Variants in EGF observed in about 807,000 individuals in gnomAD.
EGF encodes epidermal growth factor.
In EGF, 95 loss-of-function variants were observed where a neutral mutation model predicts 143.8. The ratio of observed to expected loss-of-function variants is 0.66; its 90% CI spans 0.56 to 0.78. The LOEUF (loss-of-function observed/expected upper bound fraction) is 0.78. Ranked by LOEUF, EGF falls within the 30% of genes least tolerant of loss-of-function variation. The pLI is 0.00. For synonymous variants in EGF, 510 were observed against 510.5 expected (o/e 1.00, Z 0.01); for missense variants, 1,320 against 1,470.9 (o/e 0.90, Z 1.68).
chr4:109,940,296 G>A lies in EGF; in HGVS notation c.128-650G>A, dbSNP rs11568881. 5.1e-3 allele frequency among the ~76,000 whole-genome samples: 774 copies of A among 152,240 alleles called. 3 individuals are homozygous for A. Among genetic ancestry groups the A allele is most frequent in the Non-Finnish European group, 7.2e-3 (488 of 68,010 alleles). On this transcript the variant is annotated intron_variant, in intron 1 of 23. Coordinates refer to ENST00000265171, the MANE Select transcript of EGF (RefSeq NM_001963.6). The stretch of plus-strand genomic sequence containing the variant: ...GTGCCCAGTCAAATTTGAATTTCAG[G>A]TAAATAGAGAACAAATTTTTAGTGT...
Position 109,927,846 on chromosome 4 carries a change from T to A in EGF, c.128-13100T>A, listed in dbSNP as rs879535582. Among the ~76,000 whole-genome samples, 583 of 128,788 alleles carry A rather than the reference T, an allele frequency of 4.5e-3. 9 individuals are homozygous for A. The highest frequency in any genetic ancestry group is 4.4e-3 in the Non-Finnish European group (254 of 58,294). The allele number at this position is 128,788 out of a possible 152,430, so 84.5% of individuals were successfully genotyped here. On this transcript the variant is annotated intron_variant, in intron 1 of 23. Coordinates refer to ENST00000265171, the MANE Select transcript of EGF (RefSeq NM_001963.6). ...GTGTGTGTGTGTGTGTGTGTGTGTG[T>A]GTGAAACATTTGGAAAAACTTTTCT...
In EGF at chr4:109,912,889, G is replaced by A. The variant is rs56399752; in HGVS notation, c.-447G>A. ...GCTGAGTCATTCCACTTTTCAAAAA[G>A]AGAAACTGTTGGGAGAGGAATCGTA... On this transcript the variant is annotated 5_prime_UTR_variant, in exon 1 of 24. Coordinates refer to ENST00000265171, the MANE Select transcript of EGF (RefSeq NM_001963.6). 7.8e-4 allele frequency: 139 copies of A among 179,086 alleles called. No homozygotes were observed. Among genetic ancestry groups the A allele is most frequent in the Middle Eastern group, 5.6e-3 (2 of 356 alleles). 11.1% of individuals were successfully genotyped at this position (179,086 alleles called of 1,614,324 possible).
intron 8 of EGF, 133 bp downstream of exon 8, chr4:109,962,118 C>T: frequency 6.9e-7 from 1 of 1,443,944 alleles, no homozygotes; most frequent in Non-Finnish European, 9.5e-7. Context: ...ATTGTTACAA[C>T]AGATTAACAT....
chr4:109,999,745 C>T lies in EGF; in HGVS notation c.3072C>T (p.His1024=), dbSNP rs747903798. The T allele has an allele frequency of 7.4e-6, 12 of 1,613,904 alleles. No individual in the cohort carries two copies. The highest frequency in any genetic ancestry group is 1.7e-5 in the Admixed American group (1 of 59,988). Residue 1024 remains histidine (H), a synonymous_variant, in exon 21 of 24, where the codon CAC becomes CAT. Coordinates refer to ENST00000265171, the MANE Select transcript of EGF (RefSeq NM_001963.6). The part of the protein sequence containing the change: ...YRDLKWWELR[H]AGHGQQQKVI... ...ACCTGAAGTGGTGGGAACTGCGCCA[C>T]GCTGGCCACGGGCAGCAGCAGAAGG...
rs564962719 is a variant in EGF at position 109,966,470 on chromosome 4, G to T, written c.1575+1933G>T. Among the ~76,000 whole-genome samples the T allele has an allele frequency of 2.0e-5, 3 of 152,186 alleles. No individual in the cohort carries two copies. In the East Asian group the frequency reaches 5.8e-4, roughly 29 times the overall value. On this transcript the variant is annotated intron_variant, in intron 10 of 23. Coordinates refer to ENST00000265171, the MANE Select transcript of EGF (RefSeq NM_001963.6). ...TGATGGACACTTAGATTGATTCCATGACTTTGCTATATGAATAGTGCTGTG... is the reference window on the plus strand; with the variant it reads ...TGATGGACACTTAGATTGATTCCATTACTTTGCTATATGAATAGTGCTGTG...
chr4:110,005,034 G>GTTT (rs1753076182), intron 22 of EGF, among the ~76,000 whole-genome samples: 3 of 113,050 alleles, frequency 2.7e-5, no homozygotes, highest in African/African-American at 1.0e-4. Flanking sequence ...CTTTTTCTCT[G>GTTT]TCTTTTTTTT....
chr4:110,001,208 T>C (rs1446638504), intron 21 of EGF, among the ~76,000 whole-genome samples: 3 of 152,244 alleles, frequency 2.0e-5, no homozygotes, highest in Non-Finnish European at 4.4e-5. Flanking sequence ...AGTACTTATC[T>C]CAAGGGTTAT....
intron 6 of EGF, among the ~76,000 whole-genome samples, chr4:109,959,929 G>A (rs750574283): frequency 1.3e-5 from 2 of 152,158 alleles, no homozygotes; most frequent in Non-Finnish European, 2.9e-5. Flanking sequence ...CAAGTGCAAC[G>A]AACTCAGGAG....
chr4:109,922,711 G>A (rs569716838), intron 1 of EGF, among the ~76,000 whole-genome samples: 37 of 151,666 alleles, frequency 2.4e-4, no homozygotes, highest in Non-Finnish European at 4.7e-4. Context: ...TTTGGTCAAC[G>A]CCCTATGTCT....
intron 11 of EGF, among the ~76,000 whole-genome samples, chr4:109,969,720 C>T (rs1747267636): frequency 1.3e-5 from 2 of 152,264 alleles, no homozygotes; most frequent in South Asian, 4.1e-4. Flanking sequence ...GGAAATAAGA[C>T]TTTCTCCGAA....
chr4:109,975,072 A>G (rs571807077), intron 12 of EGF, among the ~76,000 whole-genome samples: 5 of 152,222 alleles, frequency 3.3e-5, no homozygotes, highest in Admixed American at 6.5e-5. Context: ...AAGCTCATTC[A>G]TCTACTTTCT....
chr4:109,997,188 T>G (rs886848170), intron 20 of EGF, among the ~76,000 whole-genome samples: 2 of 152,014 alleles, frequency 1.3e-5, no homozygotes, highest in African/African-American at 4.8e-5. Context: ...AGTTCCTGGG[T>G]GGGGGCCATA....
intron 1 of EGF, among the ~76,000 whole-genome samples, chr4:109,933,968 T>A (rs941847666): frequency 6.6e-6 from 1 of 152,208 alleles, no homozygotes; most frequent in East Asian, 1.9e-4. Flanking sequence ...AAATGGTATT[T>A]GTAGTTCTAG....
intron 10 of EGF, among the ~76,000 whole-genome samples, chr4:109,968,487 G>A (rs1746966681): frequency 6.6e-6 from 1 of 152,056 alleles, no homozygotes; most frequent in Non-Finnish European, 1.5e-5. Flanking sequence ...GTTCAAGCAT[G>A]ATGGCTACGT....
Position 109,969,055 on chromosome 4 carries a change from G to C in EGF, c.1660G>C (p.Val554Leu). The C allele has an allele frequency of 6.2e-7, 1 of 1,614,244 alleles. No individual in the cohort carries two copies. The highest frequency in any genetic ancestry group is 8.5e-7 in the Non-Finnish European group (1 of 1,180,034). Residue 554 changes from valine (V) to leucine (L), a missense_variant, in exon 11 of 24, where the codon GTA (valine) becomes CTA (leucine). Physicochemically the swap from Val to Leu is conservative, Grantham distance 32. Coordinates refer to ENST00000265171, the MANE Select transcript of EGF (RefSeq NM_001963.6). Reference sequence around the variant, plus strand: ...GCGAGAAAGGCTTATTGAGGAAGGAGTAGATGTGCCAGAAGGTCTTGCTGT... The same window carrying C: ...GCGAGAAAGGCTTATTGAGGAAGGACTAGATGTGCCAGAAGGTCTTGCTGT... ...SQRERLIEEG[V>L]DVPEGLAVDW...
intron 21 of EGF, 117 bp from the exon 22 acceptor site, chr4:110,004,388 C>T: frequency 2.3e-6 from 2 of 856,528 alleles, no homozygotes; most frequent in Non-Finnish European, 4.0e-6. Context: ...TTTCTTCTCT[C>T]CCACACAAGT....
At chr4:109,982,164 T>C (rs1484448577) in intron 15 of EGF, among the ~76,000 whole-genome samples, 1 of 150,820 alleles carries the variant, frequency 6.6e-6, no homozygotes, top group Non-Finnish European at 1.5e-5. Flanking sequence ...AAATTATTAA[T>C]TTATTTTATT....
In EGF at chr4:109,980,016, T is replaced by C. The variant is rs2126114987; in HGVS notation, c.2098T>C (p.Ser700Pro). The change falls in exon 14 of 24, where the codon TCA (serine) becomes CCA (proline). Residue 700 changes from serine (S) to proline (P), a missense_variant. By Grantham distance (74) the Ser-to-Pro change is moderately conservative. Transcript: ENST00000265171. ...VAVFEDYVWF[S>P]DWAMPSVMRV... is the part of the protein sequence containing the mutation. ...AGTGTTTGAGGATTATGTGTGGTTC[T>C]CAGATTGGGCTATGCCATCAGTAAT... 1 of 1,614,112 alleles carries C rather than the reference T, an allele frequency of 6.2e-7. No individual in the cohort carries two copies. Among genetic ancestry groups the C allele is most frequent in the Non-Finnish European group, 8.5e-7 (1 of 1,179,962 alleles).
intron 22 of EGF, 25 bp downstream of exon 22, chr4:110,004,647 C>T: frequency 6.2e-7 from 1 of 1,602,572 alleles, no homozygotes; most frequent in South Asian, 1.1e-5. Flanking sequence ...GCAGATGAAG[C>T]AAGGAATTGG....
Sources: gnomAD v4.1 joint callset for allele counts (sites outside exome capture counted in the v4.1 genomes callset) on GRCh38, gnomAD v4.1.1 for gene constraint, MANE v1.5 for transcripts, NCBI Gene and HGNC (gene_info 2026-07-23, HGNC 2026-07-21) for gene names.